SLC44A5: variants seen among roughly 807,000 people sequenced by gnomAD.
The protein encoded by SLC44A5 is choline transporter-like protein 5.
A neutral mutation model predicts 101.8 loss-of-function variants in SLC44A5; 57 were observed. The observed-to-expected ratio is 0.56, with a 90% CI of 0.45 to 0.70. The LOEUF (loss-of-function observed/expected upper bound fraction) is 0.70. SLC44A5 is among the 30% of genes least tolerant of loss of function. The pLI, the probability that SLC44A5 is intolerant of heterozygous loss-of-function variation, is 0.00. For synonymous variants in SLC44A5, 281 were observed against 290.9 expected (o/e 0.97, Z 0.35); for missense variants, 737 against 853.1 (o/e 0.86, Z 1.70).
At chr1:75,446,784 G>A (rs901751517) in intron 2 of SLC44A5, among the ~76,000 whole-genome samples, 19 of 151,844 alleles carry the variant, frequency 1.3e-4, no homozygotes, top group African/African-American at 4.6e-4. Context: ...AACTAATTTT[G>A]TTTGCATTAT....
intron 11 of SLC44A5, among the ~76,000 whole-genome samples, chr1:75,236,284 A>G (rs2100579144): frequency 6.6e-6 from 1 of 152,132 alleles, no homozygotes; most frequent in Non-Finnish European, 1.5e-5. Context: ...GTCTTTGACC[A>G]TTAGGGAACC....
intron 2 of SLC44A5, among the ~76,000 whole-genome samples, chr1:75,414,324 TACACACACAC>T (rs35421682): frequency 3.4e-5 from 5 of 146,088 alleles, no homozygotes; most frequent in African/African-American, 1.0e-4. Context: ...CATATCCACA[TACACACACAC>T]ACACACACAC....
chr1:75,614,104 C>A (rs543371054), upstream of SLC44A5, among the ~76,000 whole-genome samples: 121 of 152,334 alleles, frequency 7.9e-4, 1 homozygote, highest in African/African-American at 2.9e-3. Context: ...AAAACCAATC[C>A]TTCTGTTTCA....
chr1:75,279,739 T>C (rs1652240662), intron 5 of SLC44A5, among the ~76,000 whole-genome samples: 1 of 147,658 alleles, frequency 6.8e-6, no homozygotes, highest in African/African-American at 2.5e-5. Flanking sequence ...AGTGTATGTT[T>C]GTATGTATGT....
chr1:75,416,540 C>A (rs754366950), intron 2 of SLC44A5, among the ~76,000 whole-genome samples: 1 of 152,182 alleles, frequency 6.6e-6, no homozygotes, highest in Non-Finnish European at 1.5e-5. Flanking sequence ...CACCACCTAG[C>A]GGAGCTGTGA....
chr1:75,252,805 T>C (rs1036662637), intron 6 of SLC44A5, among the ~76,000 whole-genome samples: 1 of 152,144 alleles, frequency 6.6e-6, no homozygotes, highest in South Asian at 2.1e-4. Flanking sequence ...CAGCCCATCA[T>C]AATAGGATAT....
At chr1:75,289,830 T>C (rs1433612961) in intron 5 of SLC44A5, among the ~76,000 whole-genome samples, 3 of 152,214 alleles carry the variant, frequency 2.0e-5, no homozygotes, top group Non-Finnish European at 2.9e-5. Context: ...TATTCATAGA[T>C]AGAGGCCAAT....
At chr1:75,319,332 A>C (rs568121244) in intron 4 of SLC44A5, among the ~76,000 whole-genome samples, 1 of 152,274 alleles carries the variant, frequency 6.6e-6, no homozygotes, top group Non-Finnish European at 1.5e-5. Flanking sequence ...TGGTAGAAAA[A>C]TTTATAAACA....
the SLC44A5 span, among the ~76,000 whole-genome samples, chr1:75,657,713 T>A: frequency 6.6e-6 from 1 of 152,106 alleles, no homozygotes; most frequent in African/African-American, 2.4e-5. Context: ...GTCAATTCAG[T>A]AAGAAAATAT....
At chr1:75,642,727 A>G in the SLC44A5 span, among the ~76,000 whole-genome samples, 1 of 152,100 alleles carries the variant, frequency 6.6e-6, no homozygotes, top group Non-Finnish European at 1.5e-5. Flanking sequence ...GCTTACTATA[A>G]ATTAAATTAA....
chr1:75,358,145 A>AAT (rs1342530441), intron 3 of SLC44A5, among the ~76,000 whole-genome samples: 1 of 152,180 alleles, frequency 6.6e-6, no homozygotes, highest in Non-Finnish European at 1.5e-5. Context: ...ACTAAATAAA[A>AAT]ATATAAAGAG....
At chr1:75,333,162 T>C (rs763645509) in intron 4 of SLC44A5, among the ~76,000 whole-genome samples, 1 of 152,172 alleles carries the variant, frequency 6.6e-6, no homozygotes, top group African/African-American at 2.4e-5. Flanking sequence ...AAAAAACCTA[T>C]GTCCATAGCA....
intron 1 of SLC44A5, among the ~76,000 whole-genome samples, chr1:75,568,211 G>A (rs1187588746): frequency 6.6e-6 from 1 of 152,074 alleles, no homozygotes; most frequent in Non-Finnish European, 1.5e-5. Context: ...GGCACTAAAA[G>A]TCTTTCAGTT....
chr1:75,213,039 A>C (rs1646889367), intron 22 of SLC44A5, among the ~76,000 whole-genome samples: 1 of 152,134 alleles, frequency 6.6e-6, no homozygotes, highest in South Asian at 2.1e-4. Flanking sequence ...GCAGCATACA[A>C]AGGTCCAGCC....
chr1:75,687,893 A>G, the SLC44A5 span, among the ~76,000 whole-genome samples: 1 of 152,162 alleles, frequency 6.6e-6, no homozygotes, highest in African/African-American at 2.4e-5. Flanking sequence ...CATCCAGCCA[A>G]GAGACTTGTC....
At chr1:75,478,704 A>C (rs1667606026) in intron 2 of SLC44A5, among the ~76,000 whole-genome samples, 1 of 152,220 alleles carries the variant, frequency 6.6e-6, no homozygotes. Context: ...AGAGCTAACT[A>C]TCCTAAATAT....
At chr1:75,686,103 G>A in the SLC44A5 span, among the ~76,000 whole-genome samples, 2 of 152,062 alleles carry the variant, frequency 1.3e-5, no homozygotes, top group African/African-American at 4.8e-5. Flanking sequence ...CACCCCCATG[G>A]TTCAATTACC....
chr1:75,407,967 C>A (rs1031188457), intron 2 of SLC44A5, among the ~76,000 whole-genome samples: 9 of 152,208 alleles, frequency 5.9e-5, no homozygotes, highest in African/African-American at 2.2e-4. Flanking sequence ...ATCCATCTGA[C>A]AAAGGGCTAA....
chr1:75,343,609 CA>C (rs1233583015), intron 3 of SLC44A5, among the ~76,000 whole-genome samples: 1 of 151,840 alleles, frequency 6.6e-6, no homozygotes, highest in African/African-American at 2.4e-5. Flanking sequence ...ATTCAGAGAG[CA>C]AAAAAGGAAC....
Sources: allele counts gnomAD v4.1 joint callset (sites outside exome capture counted in the v4.1 genomes callset), GRCh38; gene constraint gnomAD v4.1.1; transcripts MANE v1.5; gene names NCBI Gene and HGNC (gene_info 2026-07-23, HGNC 2026-07-21).